The following PDE11A variants were observed in gnomAD, a reference collection of about 807,000 sequenced individuals.
PDE11A encodes the protein phosphodiesterase 11A, also known as dual 3',5'-cyclic-AMP and -GMP phosphodiesterase 11A.
A neutral mutation model predicts 100.5 loss-of-function variants in PDE11A; 100 were observed. The observed-to-expected ratio is 1.00, with a 90% CI of 0.85 to 1.18. The LOEUF is 1.18. Among genes scored for constraint, PDE11A ranks in the 50% most tolerant of loss-of-function variants. The probability of loss-of-function intolerance (pLI) is 0.00; values close to 1 mark genes in which losing one functional copy is unlikely to be tolerated. For missense variants in PDE11A, 1,141 were observed against 1,152.6 expected, an observed-to-expected ratio of 0.99 and a Z score of 0.15; for synonymous variants, 381 against 420.8, an observed-to-expected ratio of 0.91 and a Z score of 1.16.
chr2:177,777,622 T>C (rs778679558), intron 9 of PDE11A, among the ~76,000 whole-genome samples: 1 of 152,194 alleles, frequency 6.6e-6, no homozygotes, highest in Non-Finnish European at 1.5e-5. Context: ...TTTTGAATAA[T>C]AATACCTTTG....
intron 2 of PDE11A, among the ~76,000 whole-genome samples, chr2:178,094,321 G>C (rs371850392): frequency 4.6e-5 from 7 of 152,004 alleles, no homozygotes. Context: ...TTGAGCTCAG[G>C]AGTTCAAGAC....
intron 15 of PDE11A, among the ~76,000 whole-genome samples, chr2:177,692,781 GAA>G (rs2081058908): frequency 6.6e-6 from 1 of 151,714 alleles, no homozygotes; most frequent in Non-Finnish European, 1.5e-5. Flanking sequence ...TATGCCATTT[GAA>G]TGACATAGAA....
At chr2:177,853,681 T>TAC (rs2083767044) in intron 5 of PDE11A, among the ~76,000 whole-genome samples, 1 of 32,864 alleles carries the variant, frequency 3.0e-5, no homozygotes, top group Admixed American at 4.8e-4. Context: ...TATATATATA[T>TAC]GTGTGTGTGT....
chr2:177,804,682 T>C (rs537364690), intron 9 of PDE11A, among the ~76,000 whole-genome samples: 4 of 145,780 alleles, frequency 2.7e-5, no homozygotes, highest in Non-Finnish European at 6.0e-5. Flanking sequence ...TAAATGTCCA[T>C]CAGTATAAGA....
chr2:178,104,431 T>A (rs1450614229), exon 2 of PDE11A: 3 of 1,614,116 alleles, frequency 1.9e-6, no homozygotes, highest in Non-Finnish European at 2.5e-6. Context: ...TGAGCACATT[T>A]CTGAATAAAG....
chr2:178,041,188 C>T (rs1287881087), intron 1 of PDE11A, among the ~76,000 whole-genome samples: 1 of 152,020 alleles, frequency 6.6e-6, no homozygotes, highest in Non-Finnish European at 1.5e-5. Flanking sequence ...AATGCTCCTG[C>T]CTCAGCCTCC....
At chr2:177,684,188 C>T (rs182127543) in intron 15 of PDE11A, among the ~76,000 whole-genome samples, 10 of 152,068 alleles carry the variant, frequency 6.6e-5, no homozygotes, top group African/African-American at 1.7e-4. Flanking sequence ...TTAGGCTTTA[C>T]GGTCACATGA....
intron 10 of PDE11A, among the ~76,000 whole-genome samples, chr2:177,739,604 A>G (rs1208183648): frequency 6.6e-6 from 1 of 152,216 alleles, no homozygotes; most frequent in Non-Finnish European, 1.5e-5. Flanking sequence ...ACAATTTCCC[A>G]TCCTGTGCAT....
chr2:178,083,196 T>C (rs1364948794), intron 2 of PDE11A, among the ~76,000 whole-genome samples: 1 of 148,760 alleles, frequency 6.7e-6, no homozygotes, highest in Non-Finnish European at 1.5e-5. Context: ...GCCTCCCGGG[T>C]TCAAGCAATT....
chr2:177,886,503 A>G (rs2084432386), intron 4 of PDE11A, among the ~76,000 whole-genome samples: 1 of 152,214 alleles, frequency 6.6e-6, no homozygotes, highest in South Asian at 2.1e-4. Context: ...AAGCTTCTAC[A>G]ACCAGAATTA....
In PDE11A at chr2:177,961,855, G is replaced by T. The variant is rs552597251; in HGVS notation, c.1071+52447C>A. Among the ~76,000 whole-genome samples, 4 of 152,130 alleles carry T rather than the reference G, an allele frequency of 2.6e-5. No individual in the cohort carries two copies. In the East Asian group the frequency reaches 7.7e-4, roughly 29 times the overall value. The stretch of plus-strand genomic sequence containing the variant: ...GCCCTTTGGGAGGCCGAGGTTAGAA[G>T]TTCAAGACCAGCCTGGCCAAATGAT... On this transcript the variant is annotated intron_variant, in intron 2 of 19. Coordinates refer to ENST00000286063, the MANE Select transcript of PDE11A (RefSeq NM_016953.4).
intron 6 of PDE11A, among the ~76,000 whole-genome samples, chr2:177,827,453 A>C (rs1166982864): frequency 6.6e-6 from 1 of 152,214 alleles, no homozygotes; most frequent in Non-Finnish European, 1.5e-5. Context: ...CCCTTTGCTG[A>C]ATGAACCTTT....
chr2:178,072,028 T>C lies in PDE11A; in HGVS notation c.410A>G (p.Tyr137Cys). ...RSKAIHVNRT[Y>C]DEQVTSRAQE... The stretch of plus-strand genomic sequence containing the variant: ...AGCCCGGGAGGTCACCTGTTCATCG[T>C]AGGTCCTGTTCACGTGGATGGCCTT... The change falls in exon 1 of 20, where the codon TAC becomes TGC. Residue 137 changes from tyrosine to cysteine, a missense_variant. Tyr to Cys is a radical substitution (Grantham distance 194, BLOSUM62 -2). Coordinates refer to ENST00000286063, the MANE Select transcript of PDE11A (RefSeq NM_016953.4). 1.2e-6 allele frequency: 2 copies of C among 1,613,906 alleles called. No homozygotes were observed. The highest frequency in any genetic ancestry group is 1.7e-6 in the Non-Finnish European group (2 of 1,179,784).
intron 15 of PDE11A, among the ~76,000 whole-genome samples, chr2:177,685,716 C>T (rs1032804483): frequency 1.3e-5 from 2 of 151,912 alleles, no homozygotes; most frequent in African/African-American, 4.8e-5. Flanking sequence ...TACAGGCATG[C>T]ACCACCAGGC....
intron 1 of PDE11A, among the ~76,000 whole-genome samples, chr2:178,042,714 C>G (rs185849702): frequency 6.6e-6 from 1 of 152,154 alleles, no homozygotes; most frequent in Admixed American, 6.5e-5. Context: ...TTTTAAGTAA[C>G]ATTCAGAATA....
intron 10 of PDE11A, among the ~76,000 whole-genome samples, chr2:177,764,499 C>G (rs3770045): frequency 0.5 from 75,760 of 152,028 alleles, 20,898 homozygotes; most frequent in African/African-American, 0.75. Context: ...CACCGCATTG[C>G]AATTTAAGGA....
chr2:177,866,165 G>A (rs1197387687), intron 5 of PDE11A, among the ~76,000 whole-genome samples: 4 of 152,160 alleles, frequency 2.6e-5, no homozygotes, highest in Non-Finnish European at 5.9e-5. Flanking sequence ...CCATGGAGAT[G>A]CCCTATTCAC....
rs143210224 is a variant in PDE11A, at chr2:177,901,694, T to G, written c.1161+3404A>C. Among the ~76,000 whole-genome samples, 1,207 of 152,340 alleles carry G rather than the reference T, an allele frequency of 7.9e-3. 18 individuals are homozygous for G. Among genetic ancestry groups the G allele is most frequent in the African/African-American group, 0.027 (1,117 of 41,576 alleles). Reference sequence around the variant, plus strand: ...GGGTCAATGAACAATAATTTCATGTTTAGACATTAAAAATGAGACAATTGT... The same window carrying G: ...GGGTCAATGAACAATAATTTCATGTGTAGACATTAAAAATGAGACAATTGT... On this transcript the variant is annotated intron_variant, in intron 3 of 19. Transcript: ENST00000286063.
At chr2:177,983,780 A>G (rs1204579950) in intron 2 of PDE11A, among the ~76,000 whole-genome samples, 4 of 152,210 alleles carry the variant, frequency 2.6e-5, no homozygotes, top group African/African-American at 9.7e-5. Context: ...ACTAAGAATT[A>G]TTAGTTCACT....
Sources: gnomAD v4.1 joint callset for allele counts (sites outside exome capture counted in the v4.1 genomes callset) on GRCh38, gnomAD v4.1.1 for gene constraint, MANE v1.5 for transcripts, NCBI Gene and HGNC (gene_info 2026-07-23, HGNC 2026-07-21) for gene names.